The following LPGAT1 variants were observed in gnomAD, a reference collection of about 807,000 sequenced individuals.
The protein encoded by LPGAT1 is acyl-CoA:lysophosphatidylglycerol acyltransferase 1.
LPGAT1 carries 11 observed loss-of-function variants against 47.5 expected under a neutral mutation model. That is an observed-to-expected ratio of 0.23 (90% CI 0.15 to 0.38). LPGAT1 has a LOEUF of 0.38. Ranked by LOEUF, LPGAT1 falls within the 10% of genes least tolerant of loss-of-function variation. The pLI is 1.00. For missense variants in LPGAT1, 293 were observed against 439.0 expected, an observed-to-expected ratio of 0.67 and a Z score of 2.97; for synonymous variants, 138 against 144.2, an observed-to-expected ratio of 0.96 and a Z score of 0.31.
At chr1:211,770,812 A>G (rs1488356585) in intron 6 of LPGAT1, among the ~76,000 whole-genome samples, 1 of 152,168 alleles carries the variant, frequency 6.6e-6, no homozygotes, top group Non-Finnish European at 1.5e-5. Context: ...ACTCTTTTAT[A>G]CTGCCCAGGC....
At chr1:211,825,934 T>C (rs1660532499) in intron 2 of LPGAT1, among the ~76,000 whole-genome samples, 1 of 151,704 alleles carries the variant, frequency 6.6e-6, no homozygotes, top group African/African-American at 2.4e-5. Context: ...CACTCTGGCC[T>C]GGGCAACAGA....
chr1:211,828,364 A>G (rs1571776717), intron 2 of LPGAT1, among the ~76,000 whole-genome samples: 1 of 152,346 alleles, frequency 6.6e-6, no homozygotes, highest in Admixed American at 6.5e-5. Flanking sequence ...CAGAAAATAA[A>G]CACTTCTCAT....
In LPGAT1 at chr1:211,830,197, A is replaced by ACGG; in HGVS notation, c.-28+373_-28+375dup. 1.0e-6 allele frequency: 1 copy of ACGG among 982,536 alleles called. No homozygotes were observed. Among genetic ancestry groups the ACGG allele is most frequent in the Non-Finnish European group, 1.2e-6 (1 of 829,076 alleles). The allele number at this position is 982,536 out of a possible 1,614,324, so 60.9% of individuals were successfully genotyped here. A position where few individuals can be genotyped will look rare whatever the true frequency, so the allele number is the denominator to read the frequency against. ...GCCGGGCTCACCTCGGCGGGCGCGG[A>ACGG]CGGCGGGCGGCTGCGGAGAGCGGGG... On this transcript the variant is annotated intron_variant, in intron 1 of 7. Transcript: ENST00000366997. The surrounding 1 kb of genome is among the most constrained non-coding windows in gnomAD (Gnocchi z 5.9).
At chr1:211,771,891 C>A (rs940920999) in intron 6 of LPGAT1, among the ~76,000 whole-genome samples, 2 of 152,092 alleles carry the variant, frequency 1.3e-5, no homozygotes, top group Non-Finnish European at 2.9e-5. Context: ...GGAAGGGGTA[C>A]CCTACTTGAA....
At chr1:211,788,681 TAA>T (rs761540044) in intron 3 of LPGAT1, among the ~76,000 whole-genome samples, 2 of 139,578 alleles carry the variant, frequency 1.4e-5, no homozygotes, top group Non-Finnish European at 3.1e-5. Flanking sequence ...GACTCTTTAT[TAA>T]AAAAAAAAAA....
At chr1:211,796,285 A>G (rs1005227049) in intron 2 of LPGAT1, among the ~76,000 whole-genome samples, 4 of 152,182 alleles carry the variant, frequency 2.6e-5, no homozygotes, top group African/African-American at 9.6e-5. Flanking sequence ...CTGTGAATCA[A>G]GATGAGGTCA....
At chr1:211,800,122 C>A (rs1447374321) in intron 2 of LPGAT1, among the ~76,000 whole-genome samples, 2 of 151,972 alleles carry the variant, frequency 1.3e-5, no homozygotes, top group South Asian at 2.1e-4. Flanking sequence ...GCAACCTCCA[C>A]CTCCCAGGTT....
intron 6 of LPGAT1, among the ~76,000 whole-genome samples, chr1:211,756,163 G>T (rs181749893): frequency 4.6e-5 from 7 of 152,222 alleles, no homozygotes; most frequent in African/African-American, 7.2e-5. Context: ...TTGAACCCAG[G>T]AGGTGGAGGT....
chr1:211,798,181 A>G (rs563757058), intron 2 of LPGAT1, among the ~76,000 whole-genome samples: 1 of 152,356 alleles, frequency 6.6e-6, no homozygotes, highest in East Asian at 1.9e-4. Context: ...CTGATGCAAC[A>G]AACTATTTTA....
Position 211,823,627 on chromosome 1 carries a change from C to T in LPGAT1, c.238+5432G>A, listed in dbSNP as rs976516226. Among the ~76,000 whole-genome samples the T allele has an allele frequency of 2.0e-5, 3 of 152,034 alleles. No individual in the cohort carries two copies. The South Asian group carries it at 6.2e-4, about 31-fold the overall frequency. On this transcript the variant is annotated intron_variant, in intron 2 of 7. Coordinates refer to ENST00000366997, the MANE Select transcript of LPGAT1 (RefSeq NM_014873.3). ...CCTGTTCCCACAGATAACTGAAGTT[C>T]AATAAAGGTGTGTTAAATTAGTAAA... is the stretch of plus-strand genomic sequence containing the variant.
chr1:211,811,265 G>C (rs997661950), intron 2 of LPGAT1, among the ~76,000 whole-genome samples: 2 of 152,308 alleles, frequency 1.3e-5, no homozygotes, highest in East Asian at 3.9e-4. Flanking sequence ...GCAGCAGAAA[G>C]AATAAAGGGA....
At chr1:211,762,817 T>G (rs1048202295) in intron 6 of LPGAT1, among the ~76,000 whole-genome samples, 3 of 152,202 alleles carry the variant, frequency 2.0e-5, no homozygotes, top group African/African-American at 7.2e-5. Context: ...ACTTAGCAGC[T>G]GGCACCCCCT....
intron 2 of LPGAT1, among the ~76,000 whole-genome samples, chr1:211,826,849 A>G (rs1660559553): frequency 6.6e-6 from 1 of 152,204 alleles, no homozygotes; most frequent in Non-Finnish European, 1.5e-5. Context: ...TCAATTTTCC[A>G]TCTGTGAAAC....
chr1:211,796,843 A>G (rs1659371803), intron 2 of LPGAT1, among the ~76,000 whole-genome samples: 1 of 152,232 alleles, frequency 6.6e-6, no homozygotes, highest in Non-Finnish European at 1.5e-5. Context: ...ATTATACTTT[A>G]AAGTATAATT....
intron 3 of LPGAT1, among the ~76,000 whole-genome samples, chr1:211,788,233 T>C (rs11119812): frequency 0.083 from 12,568 of 152,272 alleles, 646 homozygotes; most frequent in Admixed American, 0.15. Flanking sequence ...TATTCTATTA[T>C]GAAGAATATT....
chr1:211,776,814 A>C (rs1029005367), intron 6 of LPGAT1, among the ~76,000 whole-genome samples: 3 of 152,022 alleles, frequency 2.0e-5, no homozygotes, highest in African/African-American at 7.2e-5. Flanking sequence ...AAGGAAGCCA[A>C]CACGAAACAA....
chr1:211,779,853 AAAATAAATAAAT>A (rs56183480), intron 5 of LPGAT1, among the ~76,000 whole-genome samples: 17 of 145,228 alleles, frequency 1.2e-4, no homozygotes, highest in Non-Finnish European at 2.3e-4. Flanking sequence ...ACTCCGTCTC[AAAATAAATAAAT>A]AAATAAATAA....
chr1:211,816,624 T>C (rs1660186808), intron 2 of LPGAT1, among the ~76,000 whole-genome samples: 1 of 152,184 alleles, frequency 6.6e-6, no homozygotes, highest in Non-Finnish European at 1.5e-5. Flanking sequence ...CACATGCCTT[T>C]TCCCAAAAGG....
In LPGAT1 at chr1:211,749,676, T is replaced by C. The variant is rs1657093647; in HGVS notation, c.*223A>G. The C allele has an allele frequency of 1.3e-5, 6 of 477,384 alleles. No homozygotes were observed. The highest frequency in any genetic ancestry group is 5.6e-4 in the Middle Eastern group (1 of 1,772). The allele number at this position is 477,384 out of a possible 1,614,324, so 29.6% of individuals were successfully genotyped here. A position where few individuals can be genotyped will look rare whatever the true frequency, so the allele number is the denominator to read the frequency against. On this transcript the variant is annotated 3_prime_UTR_variant, in exon 8 of 8. Transcript: ENST00000366997. ...TTGCTTAAATATGTGATAGAGTGTA[T>C]CTTTTTAAAACATGTTCTTAAAATA...
Sources: allele counts gnomAD v4.1 joint callset (sites outside exome capture counted in the v4.1 genomes callset), GRCh38; gene constraint gnomAD v4.1.1; non-coding constraint Gnocchi (gnomAD v3.1); transcripts MANE v1.5; gene names NCBI Gene and HGNC (gene_info 2026-07-23, HGNC 2026-07-21).